The following KCNH1 variants were observed in gnomAD, a reference collection of about 807,000 sequenced individuals.
KCNH1 encodes the protein voltage-gated delayed rectifier potassium channel KCNH1.
In KCNH1, 27 loss-of-function variants were observed where a neutral mutation model predicts 69.2. The observed-to-expected ratio is 0.39, with a 90% confidence interval of 0.29 to 0.54. The LOEUF (loss-of-function observed/expected upper bound fraction) is 0.54. KCNH1 is among the 20% of genes least tolerant of loss of function. The pLI is 0.68. For missense variants in KCNH1, 798 were observed against 1,261.6 expected (o/e 0.63, Z 5.57); for synonymous variants, 456 against 487.7 (o/e 0.93, Z 0.86).
intron 5 of KCNH1, among the ~76,000 whole-genome samples, chr1:211,057,775 C>T (rs543023018): frequency 9.2e-5 from 14 of 151,632 alleles, no homozygotes; most frequent in East Asian, 1.9e-4. Context: ...GGAGATGGGA[C>T]GACAGATCCG....
At chr1:211,018,707 T>G (rs1341542746) in intron 6 of KCNH1, 76 bp downstream of exon 6, 10 of 1,122,720 alleles carry the variant, frequency 8.9e-6, no homozygotes, top group Non-Finnish European at 1.3e-5. Flanking sequence ...CCCATTTAAT[T>G]ATTCTTCTGT....
chr1:210,959,468 G>A (rs1688253226), intron 6 of KCNH1, among the ~76,000 whole-genome samples: 1 of 152,238 alleles, frequency 6.6e-6, no homozygotes, highest in African/African-American at 2.4e-5. Flanking sequence ...AGACATAGAT[G>A]TTTAAGTCTG....
chr1:210,827,402 T>C (rs1339759381), intron 7 of KCNH1, among the ~76,000 whole-genome samples: 1 of 152,078 alleles, frequency 6.6e-6, no homozygotes, highest in Non-Finnish European at 1.5e-5. Context: ...ATGTATTCTC[T>C]CCTTCTAATT....
intron 10 of KCNH1, among the ~76,000 whole-genome samples, chr1:210,764,744 C>A (rs1683590227): frequency 6.6e-6 from 1 of 152,128 alleles, no homozygotes; most frequent in Non-Finnish European, 1.5e-5. Context: ...AAAGGGAATG[C>A]TTACATACTG....
At chr1:210,808,746 A>C (rs933045556) in intron 7 of KCNH1, among the ~76,000 whole-genome samples, 2 of 152,104 alleles carry the variant, frequency 1.3e-5, no homozygotes, top group Non-Finnish European at 2.9e-5. Context: ...CGTAACGTTT[A>C]ATTTATATTG....
intron 7 of KCNH1, among the ~76,000 whole-genome samples, chr1:210,872,872 A>G (rs1048925797): frequency 2.0e-5 from 3 of 152,164 alleles, no homozygotes; most frequent in South Asian, 2.1e-4. Context: ...GATCCAAACC[A>G]TATCACGTGG....
chr1:210,948,089 A>C (rs928210413), intron 6 of KCNH1, among the ~76,000 whole-genome samples: 1 of 151,142 alleles, frequency 6.6e-6, no homozygotes, highest in African/African-American at 2.4e-5. Flanking sequence ...GTGGTGGTAC[A>C]TGCCTGTGGT....
At chr1:210,786,021 G>C (rs533401603) in intron 9 of KCNH1, among the ~76,000 whole-genome samples, 2 of 152,068 alleles carry the variant, frequency 1.3e-5, no homozygotes, top group African/African-American at 2.4e-5. Flanking sequence ...ACCTGTACCC[G>C]TCATACTTAT....
intron 5 of KCNH1, among the ~76,000 whole-genome samples, chr1:211,049,222 T>C (rs1690148673): frequency 6.6e-6 from 1 of 151,938 alleles, no homozygotes; most frequent in Non-Finnish European, 1.5e-5. Context: ...CAACAAGTGG[T>C]AGGAAATGCA....
chr1:210,722,894 G>T (rs943012868), intron 10 of KCNH1, among the ~76,000 whole-genome samples: 1 of 152,196 alleles, frequency 6.6e-6, no homozygotes, highest in Non-Finnish European at 1.5e-5. Context: ...CTCCATTTGT[G>T]TAGGAACCTG....
At chr1:211,058,506 T>A (rs1690357691) in intron 5 of KCNH1, among the ~76,000 whole-genome samples, 2 of 152,158 alleles carry the variant, frequency 1.3e-5, no homozygotes, top group South Asian at 2.1e-4. Context: ...TTCTTGATTG[T>A]TTATGCAATC....
chr1:210,683,608 G>C lies in KCNH1; in HGVS notation c.2643C>G (p.Asp881Glu). The C allele has an allele frequency of 6.2e-7, 1 of 1,614,194 alleles. No homozygotes were observed. The highest frequency in any genetic ancestry group is 8.5e-7 in the Non-Finnish European group (1 of 1,180,038). Residue 881 changes from aspartate to glutamate, a missense_variant, in exon 11 of 11, where the codon GAC becomes GAG. By Grantham distance (45) the Asp-to-Glu change is conservative. Around this residue, in one of 4 missense-constraint regions of KCNH1, gnomAD observed 331 missense variants for 363.2 expected, o/e 0.91. Transcript: ENST00000271751. This position sits in a 1 kb window ranked among gnomAD's most constrained non-coding sequence, Gnocchi z 5.7. ...GCAAGTCGCTCTTGGTGATGCCACT[G>C]TCACACGAGTCTGTCTTCTTCAGTG... Reference protein sequence around the residue: ...EATLKKTDSCDSGITKSDLRL... With the variant: ...EATLKKTDSCESGITKSDLRL...
At chr1:210,701,144 G>A (rs1337955811) in intron 10 of KCNH1, among the ~76,000 whole-genome samples, 5 of 151,948 alleles carry the variant, frequency 3.3e-5, no homozygotes, top group Admixed American at 1.3e-4. Flanking sequence ...TCACTGTGTT[G>A]GCCAGGATGG....
chr1:211,057,693 GAGAA>G (rs1318096792), intron 5 of KCNH1, among the ~76,000 whole-genome samples: 1 of 151,356 alleles, frequency 6.6e-6, no homozygotes, highest in Non-Finnish European at 1.5e-5. Flanking sequence ...CAGAGAGAGA[GAGAA>G]AGAAAGAGAG....
At chr1:210,850,763 A>C (rs915453827) in intron 7 of KCNH1, among the ~76,000 whole-genome samples, 1 of 152,226 alleles carries the variant, frequency 6.6e-6, no homozygotes, top group South Asian at 2.1e-4. Flanking sequence ...ATTCACAGTG[A>C]GTGAAAGCCA....
At chr1:210,993,945 T>A (rs1469559802) in intron 6 of KCNH1, among the ~76,000 whole-genome samples, 1 of 150,846 alleles carries the variant, frequency 6.6e-6, no homozygotes, top group African/African-American at 2.4e-5. Flanking sequence ...CTTATAGGGG[T>A]TTTATGACGT....
At chr1:210,871,418 A>C (rs1195744359) in intron 7 of KCNH1, among the ~76,000 whole-genome samples, 2 of 152,194 alleles carry the variant, frequency 1.3e-5, no homozygotes. Flanking sequence ...GCTGGAGAGG[A>C]TGTGGAGAAA....
chr1:211,007,259 AATC>A (rs1689302097), intron 6 of KCNH1, among the ~76,000 whole-genome samples: 1 of 152,186 alleles, frequency 6.6e-6, no homozygotes, highest in South Asian at 2.1e-4. Context: ...TAACGTAAGA[AATC>A]ATAAGATGTC....
chr1:210,960,084 G>A (rs1216371194), intron 6 of KCNH1, among the ~76,000 whole-genome samples: 1 of 152,068 alleles, frequency 6.6e-6, no homozygotes, highest in African/African-American at 2.4e-5. Context: ...TTTATCACCA[G>A]CAACATTTTA....
Sources: gnomAD v4.1 joint callset for allele counts (sites outside exome capture counted in the v4.1 genomes callset) on GRCh38, gnomAD v4.1.1 for gene constraint, gnomAD v4.1.1 regional missense constraint, Gnocchi (gnomAD v3.1) non-coding constraint, MANE v1.5 for transcripts, NCBI Gene and HGNC (gene_info 2026-07-23, HGNC 2026-07-21) for gene names.